Variants in ENOX1 observed in about 807,000 individuals in gnomAD.
The protein encoded by ENOX1 is candidate growth-related and time keeping constitutive hydroquinone (NADH) oxidase.
A neutral mutation model predicts 82.5 loss-of-function variants in ENOX1; 42 were observed. That is an observed-to-expected ratio of 0.51 (90% confidence interval 0.40 to 0.66). The LOEUF (loss-of-function observed/expected upper bound fraction) is 0.66, where lower values mean the gene tolerates loss of function less well. Ranked by LOEUF, ENOX1 falls within the 30% of genes least tolerant of loss-of-function variation. ENOX1 has a pLI of 0.00. For missense variants in ENOX1, 608 were observed against 811.6 expected, an observed-to-expected ratio of 0.75 and a Z score of 3.05; for synonymous variants, 271 against 282.2, an observed-to-expected ratio of 0.96 and a Z score of 0.40.
At chr13:43,641,510 A>C (rs1396649453) in intron 2 of ENOX1, among the ~76,000 whole-genome samples, 2 of 150,328 alleles carry the variant, frequency 1.3e-5, no homozygotes, top group Non-Finnish European at 3.0e-5. Context: ...CAAAAGTAAC[A>C]GAGTAACATT....
In ENOX1 at chr13:43,213,858, T is replaced by A; in HGVS notation, c.*132A>T. On this transcript the variant is annotated 3_prime_UTR_variant, in exon 17 of 17. Coordinates refer to ENST00000690772, the MANE Select transcript of ENOX1 (RefSeq NM_001347969.2). ...CACTTACAAGAGAACGCCACAGATA[T>A]AACTAAAGGCAGGCTTCGATGGCTC... 1 of 945,944 alleles carries A rather than the reference T, an allele frequency of 1.1e-6. No homozygotes were observed. Among genetic ancestry groups the A allele is most frequent in the Middle Eastern group, 2.4e-4 (1 of 4,140 alleles). 58.6% of individuals were successfully genotyped at this position (945,944 alleles called of 1,614,324 possible). A position where few individuals can be genotyped will look rare whatever the true frequency, so the allele number is the denominator to read the frequency against.
intron 3 of ENOX1, among the ~76,000 whole-genome samples, chr13:43,445,782 C>T (rs913632712): frequency 6.6e-6 from 1 of 152,164 alleles, no homozygotes; most frequent in Non-Finnish European, 1.5e-5. Flanking sequence ...AAAGAGCCTC[C>T]TGGGATGCAG....
At chr13:43,414,776 T>A (rs2054344017) in intron 3 of ENOX1, among the ~76,000 whole-genome samples, 1 of 152,212 alleles carries the variant, frequency 6.6e-6, no homozygotes, top group Admixed American at 6.5e-5. Flanking sequence ...TCCTTCTACC[T>A]CAGATTCTTC....
chr13:43,725,818 G>A (rs1392128936), intron 1 of ENOX1, among the ~76,000 whole-genome samples: 6 of 147,684 alleles, frequency 4.1e-5, no homozygotes, highest in South Asian at 2.2e-4. Flanking sequence ...AAAAAAAAAA[G>A]AAGCTAGGCA....
chr13:43,597,541 C>T (rs1228037477), intron 2 of ENOX1, among the ~76,000 whole-genome samples: 1 of 152,178 alleles, frequency 6.6e-6, no homozygotes, highest in East Asian at 1.9e-4. Context: ...CATCTAACCA[C>T]CCAGGTCAAA....
intron 2 of ENOX1, among the ~76,000 whole-genome samples, chr13:43,571,266 C>T (rs570241025): frequency 4.6e-5 from 7 of 152,276 alleles, no homozygotes; most frequent in Non-Finnish European, 7.4e-5. Context: ...TTCTCCAATT[C>T]GGTCATGCTG....
At chr13:43,361,603 CA>C in intron 5 of ENOX1, 151 bp from the exon 6 acceptor site, 1 of 671,930 alleles carries the variant, frequency 1.5e-6, no homozygotes, top group Non-Finnish European at 2.4e-6. Context: ...AAAGCTATGC[CA>C]GAAGGGTAAA....
At chr13:43,235,485 C>A (rs1460834308) in intron 15 of ENOX1, among the ~76,000 whole-genome samples, 1 of 152,170 alleles carries the variant, frequency 6.6e-6, no homozygotes, top group Non-Finnish European at 1.5e-5. Context: ...GTAATCCCAG[C>A]ACTTTGAGAG....
intron 1 of ENOX1, among the ~76,000 whole-genome samples, chr13:43,719,545 G>A (rs1030848485): frequency 1.6e-4 from 24 of 152,042 alleles, no homozygotes; most frequent in East Asian, 1.9e-4. Flanking sequence ...GATCACACGC[G>A]AAATTCTAGA....
chr13:43,702,304 A>G (rs1255222630), intron 1 of ENOX1, among the ~76,000 whole-genome samples: 2 of 152,238 alleles, frequency 1.3e-5, no homozygotes, highest in African/African-American at 4.8e-5. Flanking sequence ...AAGTTCCAAA[A>G]CAAATTAAAA....
intron 2 of ENOX1, among the ~76,000 whole-genome samples, chr13:43,590,210 G>C (rs2081183197): frequency 6.6e-6 from 1 of 151,924 alleles, no homozygotes; most frequent in African/African-American, 2.4e-5. Context: ...ACAAAAAACT[G>C]AATGATGGGT....
intron 1 of ENOX1, among the ~76,000 whole-genome samples, chr13:43,723,503 C>T (rs977707124): frequency 6.6e-6 from 1 of 152,112 alleles, no homozygotes; most frequent in African/African-American, 2.4e-5. Context: ...TGGAAGACAG[C>T]CGACTCTATC....
intron 15 of ENOX1, among the ~76,000 whole-genome samples, chr13:43,226,594 G>A (rs1331545174): frequency 3.3e-5 from 5 of 152,208 alleles, no homozygotes; most frequent in South Asian, 2.1e-4. Context: ...CCTGTTTCAC[G>A]ATGGTGAGTG....
rs779599385 is a variant in ENOX1, at chr13:43,668,229, A to G, written c.-284-685T>C. Among the ~76,000 whole-genome samples the G allele has an allele frequency of 9.2e-5, 14 of 152,214 alleles. 1 individual carries two copies. The highest frequency in any genetic ancestry group is 1.5e-4 in the Non-Finnish European group (10 of 68,040). On this transcript the variant is annotated intron_variant, in intron 1 of 16. Transcript: ENST00000690772. ...GAATCTGAGAACCCACCTGAGACCT[A>G]CTGCAACAGAATCTGCATTTTAACA...
At chr13:43,399,967 T>C (rs932905480) in intron 5 of ENOX1, among the ~76,000 whole-genome samples, 26 of 152,146 alleles carry the variant, frequency 1.7e-4, no homozygotes, top group African/African-American at 6.3e-4. Context: ...CCTTTTTTCA[T>C]GGCTCCACTG....
intron 8 of ENOX1, among the ~76,000 whole-genome samples, chr13:43,353,031 C>T (rs1004247103): frequency 6.6e-6 from 1 of 152,232 alleles, no homozygotes; most frequent in Non-Finnish European, 1.5e-5. Flanking sequence ...GTCCTTTCCA[C>T]CACTGGCTAG....
chr13:43,461,637 T>C (rs2057490640), intron 3 of ENOX1, among the ~76,000 whole-genome samples: 1 of 152,184 alleles, frequency 6.6e-6, no homozygotes, highest in African/African-American at 2.4e-5. Context: ...GAAATCTTCA[T>C]AGAGCAGGTA....
chr13:43,545,720 G>A (rs2078945180), intron 2 of ENOX1: 1 of 152,258 alleles, frequency 6.6e-6, no homozygotes, highest in Admixed American at 6.5e-5. Flanking sequence ...TCCACATTGT[G>A]TAACAGTGTG....
At chr13:43,723,868 A>G (rs2088745371) in intron 1 of ENOX1, among the ~76,000 whole-genome samples, 1 of 152,202 alleles carries the variant, frequency 6.6e-6, no homozygotes, top group Non-Finnish European at 1.5e-5. Context: ...AGAATATTTC[A>G]TTAAGATAAA....
Sources: allele counts gnomAD v4.1 joint callset (sites outside exome capture counted in the v4.1 genomes callset), GRCh38; gene constraint gnomAD v4.1.1; transcripts MANE v1.5; gene names NCBI Gene and HGNC (gene_info 2026-07-23, HGNC 2026-07-21).